The following SORCS3 variants were observed in gnomAD, a reference collection of about 807,000 sequenced individuals.
SORCS3 encodes sortilin related VPS10 domain containing receptor 3.
Under a neutral mutation model 146.3 loss-of-function variants are expected in SORCS3, and 57 were observed. That is an observed-to-expected ratio of 0.39 (90% CI 0.31 to 0.49). The LOEUF is 0.49. Ranked by LOEUF, SORCS3 falls within the 20% of genes least tolerant of loss-of-function variation. SORCS3 has a pLI of 0.92. For synonymous variants in SORCS3, 653 were observed against 618.5 expected, an observed-to-expected ratio of 1.06 and a Z score of -0.83; for missense variants, 1,341 against 1,575.5, an observed-to-expected ratio of 0.85 and a Z score of 2.52.
intron 1 of SORCS3, among the ~76,000 whole-genome samples, chr10:104,725,968 G>A (rs567911132): frequency 7.2e-5 from 11 of 152,286 alleles, no homozygotes; most frequent in African/African-American, 1.7e-4. Context: ...TGCTCAGTGC[G>A]CTGCACCCAC....
chr10:104,679,448 T>C (rs2015946938), intron 1 of SORCS3, among the ~76,000 whole-genome samples: 1 of 152,222 alleles, frequency 6.6e-6, no homozygotes, highest in Admixed American at 6.5e-5. Context: ...GAGGTTAGTA[T>C]TGAAGGAAAC....
chr10:105,128,909 A>C (rs1171903650), intron 7 of SORCS3, among the ~76,000 whole-genome samples: 1 of 152,192 alleles, frequency 6.6e-6, no homozygotes, highest in Non-Finnish European at 1.5e-5. Flanking sequence ...TGAGAGAAAG[A>C]TAACTACAAC....
intron 8 of SORCS3, among the ~76,000 whole-genome samples, chr10:105,142,035 A>G (rs942179077): frequency 3.3e-5 from 5 of 152,144 alleles, no homozygotes; most frequent in Non-Finnish European, 7.4e-5. Context: ...CCTGTCCTAC[A>G]TGGAGATCAG....
chr10:105,255,307 C>T (rs1296675223), intron 23 of SORCS3, among the ~76,000 whole-genome samples: 2 of 151,540 alleles, frequency 1.3e-5, no homozygotes, highest in Non-Finnish European at 2.9e-5. Context: ...GAACATCACA[C>T]ACCTGGGCCT....
At chr10:104,685,713 A>T (rs1283129045) in intron 1 of SORCS3, among the ~76,000 whole-genome samples, 1 of 152,226 alleles carries the variant, frequency 6.6e-6, no homozygotes, top group African/African-American at 2.4e-5. Flanking sequence ...TTCCAGTAGG[A>T]GCAACGATTA....
At chr10:105,247,527 A>G (rs1367478663) in intron 22 of SORCS3, among the ~76,000 whole-genome samples, 196 bp downstream of exon 22, 1 of 152,222 alleles carries the variant, frequency 6.6e-6, no homozygotes, top group African/African-American at 2.4e-5. Context: ...AGGCAGGCAG[A>G]TCACTTGAGA....
At chr10:104,866,713 AT>A (rs1380157450) in intron 2 of SORCS3, among the ~76,000 whole-genome samples, 1 of 151,952 alleles carries the variant, frequency 6.6e-6, no homozygotes, top group African/African-American at 2.4e-5. Context: ...GTTCATTTCC[AT>A]TTTTTCTCTC....
chr10:104,971,371 TAA>T (rs1291817249), intron 3 of SORCS3, among the ~76,000 whole-genome samples: 1 of 152,344 alleles, frequency 6.6e-6, no homozygotes, highest in East Asian at 1.9e-4. Flanking sequence ...GATTTTGTGT[TAA>T]GAGTTAATTG....
chr10:104,974,243 G>A (rs1365302120), intron 3 of SORCS3, among the ~76,000 whole-genome samples: 2 of 151,960 alleles, frequency 1.3e-5, no homozygotes, highest in African/African-American at 2.4e-5. Flanking sequence ...CAATTCCTGG[G>A]TATACTTGTT....
intron 1 of SORCS3, among the ~76,000 whole-genome samples, chr10:104,818,704 C>A (rs2017836362): frequency 6.6e-6 from 1 of 152,078 alleles, no homozygotes; most frequent in South Asian, 2.1e-4. Context: ...ACCCCTGTTG[C>A]CCTGGGTTCT....
intron 16 of SORCS3, among the ~76,000 whole-genome samples, chr10:105,207,093 G>A (rs2056606772): frequency 6.6e-6 from 1 of 152,066 alleles, no homozygotes; most frequent in African/African-American, 2.4e-5. Context: ...GGTGCCCTAT[G>A]GGATTGGACT....
intron 2 of SORCS3, among the ~76,000 whole-genome samples, chr10:104,870,084 C>T (rs990056153): frequency 1.3e-5 from 2 of 152,186 alleles, no homozygotes; most frequent in Non-Finnish European, 2.9e-5. Context: ...CTGTCATTAT[C>T]ATTATTTCTG....
intron 5 of SORCS3, among the ~76,000 whole-genome samples, chr10:105,057,545 C>T (rs2133715367): frequency 6.6e-6 from 1 of 152,252 alleles, no homozygotes. Context: ...ATTGCTCTAT[C>T]AGTGGGCTCA....
At chr10:105,162,099 G>T (rs1243728867) in intron 11 of SORCS3, among the ~76,000 whole-genome samples, 1 of 152,192 alleles carries the variant, frequency 6.6e-6, no homozygotes, top group Non-Finnish European at 1.5e-5. Context: ...CCTCTGGCAT[G>T]AGTGGTGGTG....
rs1436665313 is a variant in SORCS3 at position 105,178,178 on chromosome 10, G to A, written c.2009+5G>A. ...AATGGAGACCCACATCATGACGTGA[G>A]TACTTCTTTTGCTGTGACAGGAAGA... On this transcript the variant is annotated splice_donor_5th_base_variant and intron_variant, in intron 14 of 26. Transcript: ENST00000369701. 6.2e-7 allele frequency: 1 copy of A among 1,602,482 alleles called. No individual in the cohort carries two copies. Among genetic ancestry groups the A allele is most frequent in the Non-Finnish European group, 8.5e-7 (1 of 1,171,878 alleles).
chr10:105,173,451 C>G (rs1450610017), intron 13 of SORCS3, among the ~76,000 whole-genome samples: 1 of 152,168 alleles, frequency 6.6e-6, no homozygotes, highest in Admixed American at 6.5e-5. Context: ...CATGCAACCT[C>G]TATATATTTT....
At chr10:104,861,998 A>G (rs1176868979) in intron 2 of SORCS3, among the ~76,000 whole-genome samples, 1 of 152,130 alleles carries the variant, frequency 6.6e-6, no homozygotes, top group Non-Finnish European at 1.5e-5. Context: ...TACCAATCCT[A>G]TTGGATCAGG....
At chr10:104,669,176 T>G (rs2037268174) in intron 1 of SORCS3, among the ~76,000 whole-genome samples, 1 of 152,260 alleles carries the variant, frequency 6.6e-6, no homozygotes, top group South Asian at 2.1e-4. Context: ...TGTTTATTGA[T>G]GTATAATATA....
At chr10:104,828,167 G>T (rs1323439271) in intron 1 of SORCS3, among the ~76,000 whole-genome samples, 1 of 152,110 alleles carries the variant, frequency 6.6e-6, no homozygotes, top group African/African-American at 2.4e-5. Context: ...GCAAACTCTG[G>T]CACAAGAGAC....
Sources: gnomAD v4.1 joint callset for allele counts (sites outside exome capture counted in the v4.1 genomes callset) on GRCh38, gnomAD v4.1.1 for gene constraint, MANE v1.5 for transcripts, NCBI Gene and HGNC (gene_info 2026-07-23, HGNC 2026-07-21) for gene names.